The following GASK1A variants were observed in gnomAD, a reference collection of about 807,000 sequenced individuals.
The protein encoded by GASK1A is Golgi-associated kinase 1A.
A neutral mutation model predicts 41.2 loss-of-function variants in GASK1A; 40 were observed. The ratio of observed to expected loss-of-function variants is 0.97; its 90% CI spans 0.75 to 1.27. The LOEUF is 1.27. Among genes scored for constraint, GASK1A ranks in the 50% most tolerant of loss-of-function variants. GASK1A has a pLI of 0.00. For synonymous variants in GASK1A, 316 were observed against 307.1 expected (o/e 1.03, Z -0.30); for missense variants, 678 against 745.1 (o/e 0.91, Z 1.05).
chr3:42,981,136 G>A (rs1287466493), intron 1 of GASK1A, among the ~76,000 whole-genome samples: 3 of 152,172 alleles, frequency 2.0e-5, no homozygotes, highest in Non-Finnish European at 2.9e-5. Context: ...GCAGCTTCCC[G>A]GTTTCACGTC....
chr3:43,022,007 A>T (rs368876145), intron 1 of GASK1A, among the ~76,000 whole-genome samples: 2 of 152,180 alleles, frequency 1.3e-5, no homozygotes, highest in East Asian at 1.9e-4. Context: ...TCCTGCCATG[A>T]ACATTGCAGG....
At chr3:43,015,254 G>T (rs560772152) in intron 1 of GASK1A, among the ~76,000 whole-genome samples, 3 of 150,698 alleles carry the variant, frequency 2.0e-5, no homozygotes, top group Admixed American at 1.3e-4. Flanking sequence ...GGAGCAGTGC[G>T]AATTCTCAGG....
At chr3:43,001,622 G>A (rs114789827) in intron 1 of GASK1A, among the ~76,000 whole-genome samples, 12 of 152,310 alleles carry the variant, frequency 7.9e-5, no homozygotes, top group African/African-American at 2.9e-4. Context: ...TGTAATCCAA[G>A]ATGAGGGGCT....
At chr3:43,008,853 A>G (rs1374330851) in intron 1 of GASK1A, among the ~76,000 whole-genome samples, 2 of 152,204 alleles carry the variant, frequency 1.3e-5, no homozygotes, top group South Asian at 2.1e-4. Context: ...CCTCTCAGTT[A>G]TGGTTTGCCA....
At chr3:43,052,726 G>A (rs926411388) in intron 2 of GASK1A, among the ~76,000 whole-genome samples, 14 of 152,106 alleles carry the variant, frequency 9.2e-5, no homozygotes, top group Non-Finnish European at 1.3e-4. Flanking sequence ...ATCCTCAGAG[G>A]ACTCTACCAC....
At chr3:43,015,959 G>A (rs1231300056) in intron 1 of GASK1A, among the ~76,000 whole-genome samples, 18 of 143,056 alleles carry the variant, frequency 1.3e-4, no homozygotes, top group African/African-American at 4.1e-4. Flanking sequence ...GGGTCTGTGT[G>A]AAGCCACAGG....
chr3:43,031,074 A>G (rs1324866549), intron 1 of GASK1A, among the ~76,000 whole-genome samples: 1 of 152,190 alleles, frequency 6.6e-6, no homozygotes, highest in Non-Finnish European at 1.5e-5. Flanking sequence ...ATTGCCTCAC[A>G]CTGCATATAG....
chr3:43,030,501 G>C (rs956570844), intron 1 of GASK1A, among the ~76,000 whole-genome samples: 1 of 152,222 alleles, frequency 6.6e-6, no homozygotes, highest in African/African-American at 2.4e-5. Context: ...CTCAGAATTG[G>C]AACTGCAGTG....
At chr3:43,020,416 T>C (rs1195929432) in intron 1 of GASK1A, among the ~76,000 whole-genome samples, 1 of 152,132 alleles carries the variant, frequency 6.6e-6, no homozygotes, top group African/African-American at 2.4e-5. Flanking sequence ...AAGAGATAAG[T>C]CTGTGACTGG....
intron 1 of GASK1A, among the ~76,000 whole-genome samples, chr3:43,026,185 T>G (rs1051639980): frequency 1.3e-5 from 2 of 151,954 alleles, no homozygotes; most frequent in African/African-American, 4.8e-5. Context: ...ACTATTGGGA[T>G]TAGAAAAGCA....
intron 1 of GASK1A, among the ~76,000 whole-genome samples, chr3:43,016,993 G>A (rs2089495017): frequency 6.6e-6 from 1 of 151,158 alleles, no homozygotes. Context: ...TGAAGCCACT[G>A]GAAGGGGCTG....
chr3:42,995,794 T>G (rs2089366088), intron 1 of GASK1A, among the ~76,000 whole-genome samples: 1 of 152,160 alleles, frequency 6.6e-6, no homozygotes, highest in Admixed American at 6.5e-5. Flanking sequence ...AGCAGAAATC[T>G]CTGGAAGGTT....
At chr3:42,996,711 C>T (rs1480684998) in intron 1 of GASK1A, among the ~76,000 whole-genome samples, 1 of 152,182 alleles carries the variant, frequency 6.6e-6, no homozygotes, top group African/African-American at 2.4e-5. Flanking sequence ...GGCCATCTCC[C>T]CTCTAGGCCC....
At chr3:43,012,241 TTCTGAG>T (rs2089467250) in intron 1 of GASK1A, among the ~76,000 whole-genome samples, 1 of 140,916 alleles carries the variant, frequency 7.1e-6, no homozygotes, top group African/African-American at 2.7e-5. Context: ...TGGAAGGGGC[TTCTGAG>T]GTCACAGGAA....
At position 43,032,474 on chromosome 3, in the gene GASK1A, C is replaced by A; in HGVS notation, c.211C>A (p.Arg71=). Residue 71 remains arginine, a synonymous_variant, in exon 2 of 5, where the codon CGG becomes AGG. Coordinates refer to ENST00000430121, the MANE Select transcript of GASK1A (RefSeq NM_001129908.3). The part of the protein sequence containing the change: ...RQALSSSRRQ[R]ARNMGFWRSR... ...GGCTTTGAGCTCCAGCCGGAGGCAG[C>A]GGGCAAGAAACATGGGCTTCTGGAG... 1.9e-6 allele frequency: 3 copies of A among 1,551,010 alleles called. No individual in the cohort carries two copies. The highest frequency in any genetic ancestry group is 2.6e-6 in the Non-Finnish European group (3 of 1,146,452).
intron 2 of GASK1A, among the ~76,000 whole-genome samples, chr3:43,038,171 T>C (rs2089614428): frequency 6.6e-6 from 1 of 152,230 alleles, no homozygotes; most frequent in South Asian, 2.1e-4. Context: ...ACTCACACCA[T>C]GCATCTGTGA....
intron 1 of GASK1A, among the ~76,000 whole-genome samples, chr3:42,989,395 T>G (rs777289865): frequency 6.6e-6 from 1 of 152,224 alleles, no homozygotes; most frequent in East Asian, 1.9e-4. Flanking sequence ...GCCGTTGATC[T>G]TTCTTTTTGG....
intron 1 of GASK1A, among the ~76,000 whole-genome samples, chr3:42,995,359 T>C (rs533011593): frequency 3.3e-5 from 5 of 152,334 alleles, no homozygotes; most frequent in African/African-American, 1.2e-4. Flanking sequence ...GAGAGTGTCA[T>C]ACTCTACGCC....
rs572466412 is a variant in GASK1A, at chr3:43,032,459, T to C, written c.196T>C (p.Ser66Pro). 1 of 1,551,118 alleles carries C rather than the reference T, an allele frequency of 6.4e-7. No homozygotes were observed. Among genetic ancestry groups the C allele is most frequent in the South Asian group, 1.2e-5 (1 of 84,040 alleles). Residue 66 changes from serine (S) to proline (P), a missense_variant, in exon 2 of 5, where the codon TCC becomes CCC. Ser to Pro is a moderately conservative substitution (Grantham distance 74, BLOSUM62 -1). Coordinates refer to ENST00000430121, the MANE Select transcript of GASK1A (RefSeq NM_001129908.3). ...AACCCATATCCGGCAGGCTTTGAGC[T>C]CCAGCCGGAGGCAGCGGGCAAGAAA... ...PATHIRQALS[S>P]SRRQRARNMG...
Sources: allele counts gnomAD v4.1 joint callset (sites outside exome capture counted in the v4.1 genomes callset), GRCh38; gene constraint gnomAD v4.1.1; transcripts MANE v1.5; gene names NCBI Gene and HGNC (gene_info 2026-07-23, HGNC 2026-07-21).